The following PAM variants were observed in gnomAD, a reference collection of about 807,000 sequenced individuals.
PAM encodes peptidyl-glycine alpha-amidating monooxygenase.
Under a neutral mutation model 122.1 loss-of-function variants are expected in PAM, and 72 were observed. The observed-to-expected ratio is 0.59, with a 90% confidence interval of 0.49 to 0.72. The LOEUF (loss-of-function observed/expected upper bound fraction) is 0.72, where lower values mean the gene tolerates loss of function less well. PAM is among the 30% of genes least tolerant of loss of function. The pLI is 0.00. For synonymous variants in PAM, 389 were observed against 404.4 expected, an observed-to-expected ratio of 0.96 and a Z score of 0.46; for missense variants, 1,106 against 1,183.7, an observed-to-expected ratio of 0.93 and a Z score of 0.96.
chr5:102,879,760 G>T (rs181554625), intron 3 of PAM, among the ~76,000 whole-genome samples: 1 of 152,246 alleles, frequency 6.6e-6, no homozygotes, highest in African/African-American at 2.4e-5. Flanking sequence ...TGCGAGAATG[G>T]TGTAATACAG....
At chr5:102,967,833 C>A (rs1764581318) in intron 14 of PAM, among the ~76,000 whole-genome samples, 1 of 151,714 alleles carries the variant, frequency 6.6e-6, no homozygotes, top group Non-Finnish European at 1.5e-5. Flanking sequence ...AGCAATTCTC[C>A]TGTCTCAGCC....
chr5:102,948,366 T>C lies in PAM; in HGVS notation c.576-12T>C, dbSNP rs770432905. On this transcript the variant is annotated splice_polypyrimidine_tract_variant and intron_variant, in intron 8 of 25. Coordinates refer to ENST00000438793, the MANE Select transcript of PAM (RefSeq NM_001177306.2). Reference sequence around the variant, plus strand: ...TTCAGGTATTTTAGAAAAATGTTATTTTTTTCTGCAGACAGCCTTTAATTG... The same window carrying C: ...TTCAGGTATTTTAGAAAAATGTTATCTTTTTCTGCAGACAGCCTTTAATTG... 3 of 1,525,780 alleles carry C rather than the reference T, an allele frequency of 2.0e-6. No homozygotes were observed. The highest frequency in any genetic ancestry group is 2.7e-6 in the Non-Finnish European group (3 of 1,104,310). 94.5% of individuals were successfully genotyped at this position (1,525,780 alleles called of 1,614,324 possible).
chr5:102,835,417 G>T (rs1776742075), intron 1 of PAM, among the ~76,000 whole-genome samples: 1 of 152,072 alleles, frequency 6.6e-6, no homozygotes, highest in African/African-American at 2.4e-5. Context: ...TGTGTTGTAA[G>T]CTGAGAAAAT....
Position 102,935,250 on chromosome 5 carries a change from T to C in PAM, c.526+8582T>C, listed in dbSNP as rs532578978. 3.9e-5 allele frequency among the ~76,000 whole-genome samples: 6 copies of C among 152,136 alleles called. No homozygotes were observed. In the South Asian group the frequency reaches 8.3e-4, roughly 21 times the overall value. On this transcript the variant is annotated intron_variant, in intron 7 of 25. Transcript: ENST00000438793. ...GGAAGATAAACTAATGTATCAGATA[T>C]GTGTATATGTACTTTTTTCTTTTTT...
At chr5:102,914,054 G>A (rs1451149030) in intron 5 of PAM, 33 bp downstream of exon 5, 2 of 1,166,980 alleles carry the variant, frequency 1.7e-6, no homozygotes, top group South Asian at 1.2e-5. Flanking sequence ...ATAGAAGGGT[G>A]TAGAAAATGT....
Position 102,785,928 on chromosome 5 carries a change from A to C in PAM, c.-374+30580A>C, listed in dbSNP as rs550453501. Among the ~76,000 whole-genome samples, 4 of 152,276 alleles carry C rather than the reference A, an allele frequency of 2.6e-5. No individual in the cohort carries two copies. The East Asian group carries it at 7.7e-4, about 29-fold the overall frequency. ...ATTATTTTTTTAACATGTTCGTTTTATTTCAAATTGAGCCAAAGATGTTGA... is the reference window on the plus strand; with the variant it reads ...ATTATTTTTTTAACATGTTCGTTTTCTTTCAAATTGAGCCAAAGATGTTGA... On this transcript the variant is annotated intron_variant, in intron 1 of 25. Transcript: ENST00000438793.
rs372626572 is a variant in PAM at position 102,950,416 on chromosome 5, G to GGGGTGT, written c.802-300_802-299insGGTGTG. 7.5e-5 allele frequency among the ~76,000 whole-genome samples: 11 copies of GGGGTGT among 146,062 alleles called. No individual in the cohort carries two copies. The East Asian group carries it at 1.6e-3, about 21-fold the overall frequency. On this transcript the variant is annotated intron_variant, in intron 11 of 25. Coordinates refer to ENST00000438793, the MANE Select transcript of PAM (RefSeq NM_001177306.2). ...CAGTGATTATTTGTGTATGTGGGTG[G>GGGGTGT]GTGTGTGTGTGTGTGTGTGTGTGTC...
downstream of PAM, chr5:103,030,791 G>A (rs1423639052): frequency 1.3e-5 from 2 of 152,200 alleles, no homozygotes; most frequent in Admixed American, 6.5e-5. Context: ...TCTTTCCAGT[G>A]ATCTTTATTT....
chr5:103,009,065 T>C (rs562762630), intron 20 of PAM, among the ~76,000 whole-genome samples: 38 of 152,254 alleles, frequency 2.5e-4, no homozygotes, highest in Admixed American at 2.4e-3. Flanking sequence ...TCTTTGAAAA[T>C]GTAGTGGTTC....
At chr5:103,014,907 C>T (rs983865296) in intron 21 of PAM, among the ~76,000 whole-genome samples, 1 of 152,154 alleles carries the variant, frequency 6.6e-6, no homozygotes, top group African/African-American at 2.4e-5. Context: ...TATACACACC[C>T]TTCGGACAGG....
intron 1 of PAM, among the ~76,000 whole-genome samples, chr5:102,782,820 GT>G (rs1334692753): frequency 5.3e-4 from 74 of 140,584 alleles, no homozygotes; most frequent in African/African-American, 9.1e-4. Context: ...TTGTCAATCA[GT>G]TTTTTTTTTT....
intron 12 of PAM, among the ~76,000 whole-genome samples, chr5:102,957,944 C>G (rs981193061): frequency 3.9e-5 from 6 of 152,106 alleles, no homozygotes; most frequent in Admixed American, 2.0e-4. Context: ...TCTAGAATTC[C>G]CTCTCTAAGT....
intron 12 of PAM, among the ~76,000 whole-genome samples, chr5:102,953,243 C>T (rs1759553739): frequency 6.6e-6 from 1 of 152,104 alleles, no homozygotes; most frequent in Non-Finnish European, 1.5e-5. Context: ...CTGATTTTCC[C>T]ATAACAGGGA....
chr5:102,879,774 C>A (rs1231733566), intron 3 of PAM, among the ~76,000 whole-genome samples: 2 of 152,126 alleles, frequency 1.3e-5, no homozygotes, highest in Non-Finnish European at 2.9e-5. Flanking sequence ...AATACAGTAT[C>A]CTATATATAC....
intron 15 of PAM, among the ~76,000 whole-genome samples, chr5:102,986,249 C>T (rs1177030219): frequency 1.3e-5 from 2 of 152,006 alleles, no homozygotes; most frequent in African/African-American, 2.4e-5. Context: ...CAGGCAAGAA[C>T]AAGAAATAAA....
rs1236258776 is a variant in PAM, at chr5:102,897,034, A to T, written c.211-4322A>T. 2.0e-5 allele frequency among the ~76,000 whole-genome samples: 3 copies of T among 151,634 alleles called. No individual in the cohort carries two copies. In the East Asian group the frequency reaches 5.8e-4, roughly 30 times the overall value. ...ATTCTTTTACATAGTTGGATCACAT[A>T]AAATAAAACTTTGAAAAATAATTTT... is the stretch of plus-strand genomic sequence containing the variant. On this transcript the variant is annotated intron_variant, in intron 3 of 25. Coordinates refer to ENST00000438793, the MANE Select transcript of PAM (RefSeq NM_001177306.2).
At chr5:103,005,455 G>T (rs1342050894) in intron 18 of PAM, among the ~76,000 whole-genome samples, 3 of 152,172 alleles carry the variant, frequency 2.0e-5, no homozygotes, top group African/African-American at 4.8e-5. Flanking sequence ...CTGGAGTCTG[G>T]AATTCAAGAA....
intron 1 of PAM, among the ~76,000 whole-genome samples, chr5:102,828,077 A>G (rs686918): frequency 0.69 from 104,293 of 151,968 alleles, 36,096 homozygotes; most frequent in South Asian, 0.81. Flanking sequence ...GGTGGCTGAT[A>G]CCTATAATCT....
intron 15 of PAM, among the ~76,000 whole-genome samples, chr5:102,976,534 T>C (rs975944578): frequency 3.3e-5 from 5 of 150,566 alleles, no homozygotes; most frequent in Non-Finnish European, 5.9e-5. Context: ...TTTTCCATTG[T>C]TTCTTTCATA....
Sources: gnomAD v4.1 joint callset for allele counts (sites outside exome capture counted in the v4.1 genomes callset) on GRCh38, gnomAD v4.1.1 for gene constraint, MANE v1.5 for transcripts, NCBI Gene and HGNC (gene_info 2026-07-23, HGNC 2026-07-21) for gene names.